Variants in P2RY14 observed in about 807,000 individuals in gnomAD.
P2RY14 encodes P2Y purinoceptor 14.
P2RY14 carries 2 observed loss-of-function variants against 0.9 expected under a neutral mutation model. The ratio of observed to expected loss-of-function variants is 2.16; its 90% CI spans 0.88 to 6.79. The LOEUF (loss-of-function observed/expected upper bound fraction) is 6.79, where lower values mean the gene tolerates loss of function less well. Ranked by LOEUF, P2RY14 falls within the 30% of genes most tolerant of loss-of-function variation. The pLI is 0.05. For missense variants in P2RY14, 378 were observed against 400.1 expected (o/e 0.94, Z 0.47); for synonymous variants, 158 against 147.2 (o/e 1.07, Z -0.53).
intron 1 of P2RY14, among the ~76,000 whole-genome samples, chr3:151,243,529 G>A (rs1734694711): frequency 6.6e-6 from 1 of 152,100 alleles, no homozygotes; most frequent in Non-Finnish European, 1.5e-5. Flanking sequence ...CTTCATAAGC[G>A]AAGGAGAAAT....
chr3:151,246,519 G>A (rs1017008552), intron 1 of P2RY14, among the ~76,000 whole-genome samples: 2 of 152,102 alleles, frequency 1.3e-5, no homozygotes, highest in Non-Finnish European at 2.9e-5. Context: ...AAGCAATGGG[G>A]AAAGGATTCC....
In P2RY14 at chr3:151,268,122, C is replaced by G. The variant is rs151287782; in HGVS notation, c.-133+10165G>C. 5.1e-3 allele frequency among the ~76,000 whole-genome samples: 773 copies of G among 152,186 alleles called. 12 individuals are homozygous for G. Among genetic ancestry groups the G allele is most frequent in the African/African-American group, 0.017 (721 of 41,526 alleles). On this transcript the variant is annotated intron_variant, in intron 1 of 2. Coordinates refer to ENST00000309170, the MANE Select transcript of P2RY14 (RefSeq NM_014879.4). Reference sequence around the variant, plus strand: ...GTGGGAATACTTCTTTTTATGTTTTCAGCTTACATGTTTTCAATACAAAGC... The same window carrying G: ...GTGGGAATACTTCTTTTTATGTTTTGAGCTTACATGTTTTCAATACAAAGC...
chr3:151,233,460 G>A (rs1210109165), intron 1 of P2RY14, among the ~76,000 whole-genome samples: 1 of 152,250 alleles, frequency 6.6e-6, no homozygotes, highest in African/African-American at 2.4e-5. Flanking sequence ...TGGGCCGGGC[G>A]TGATGGCTCC....
rs180769797 is a variant in P2RY14, at chr3:151,222,363, G to C, written c.-132-2721C>G. Among the ~76,000 whole-genome samples, 11 of 152,196 alleles carry C rather than the reference G, an allele frequency of 7.2e-5. No homozygotes were observed. The East Asian group carries it at 1.5e-3, about 21-fold the overall frequency. ...ATGTGAAGATATGAGATTTGGGAGC[G>C]GTCAGAGGTGGAATGATATGGTTTG... On this transcript the variant is annotated intron_variant, in intron 1 of 2. Coordinates refer to ENST00000309170, the MANE Select transcript of P2RY14 (RefSeq NM_014879.4).
At chr3:151,218,866 C>CAAAAAAA (rs397686351) in intron 2 of P2RY14, among the ~76,000 whole-genome samples, 3 of 71,334 alleles carry the variant, frequency 4.2e-5, no homozygotes, top group Non-Finnish European at 8.4e-5. Flanking sequence ...GACTCAGTCT[C>CAAAAAAA]AAAAAAAAAA....
intron 1 of P2RY14, among the ~76,000 whole-genome samples, chr3:151,236,781 G>A (rs1261092900): frequency 4.0e-5 from 6 of 151,780 alleles, no homozygotes; most frequent in Admixed American, 3.3e-4. Flanking sequence ...CATATATATC[G>A]TACACATCCA....
At chr3:151,230,675 C>T (rs1425617748) in intron 1 of P2RY14, among the ~76,000 whole-genome samples, 1 of 151,762 alleles carries the variant, frequency 6.6e-6, no homozygotes, top group African/African-American at 2.4e-5. Context: ...TTTCTAAGGG[C>T]TACTTCCCTT....
intron 1 of P2RY14, among the ~76,000 whole-genome samples, chr3:151,268,702 T>C (rs1465867566): frequency 6.6e-6 from 1 of 152,182 alleles, no homozygotes; most frequent in African/African-American, 2.4e-5. Flanking sequence ...TTCTAACCTA[T>C]AGGGCATTTA....
Position 151,213,503 on chromosome 3 carries a change from T to A in P2RY14, c.814A>T (p.Ile272Phe), listed in dbSNP as rs371105315. The A allele has an allele frequency of 1.2e-6, 2 of 1,614,166 alleles. No homozygotes were observed. The highest frequency in any genetic ancestry group is 2.2e-5 in the South Asian group (2 of 91,072). The change falls in exon 3 of 3, where the codon ATC (isoleucine) becomes TTC (phenylalanine). Residue 272 changes from isoleucine (I) to phenylalanine (F), a missense_variant. Ile to Phe is a conservative substitution (Grantham distance 21). Transcript: ENST00000309170. ...GTGAATTCTTTCATATACCGCAAGA[T>A]TTCTTTTGACTGGCAGCTGTAATGA... ...EAHYSCQSKE[I>F]LRYMKEFTLL...
intron 1 of P2RY14, among the ~76,000 whole-genome samples, chr3:151,251,902 C>A (rs1736927965): frequency 6.6e-6 from 1 of 152,140 alleles, no homozygotes; most frequent in Non-Finnish European, 1.5e-5. Flanking sequence ...CATGGAATCA[C>A]CTTAAAAATT....
intron 1 of P2RY14, among the ~76,000 whole-genome samples, chr3:151,238,071 C>G (rs1733283802): frequency 6.6e-6 from 1 of 152,088 alleles, no homozygotes; most frequent in Admixed American, 6.5e-5. Flanking sequence ...TTTTTCTTTT[C>G]TAACTAGTGC....
At chr3:151,265,508 C>G (rs145529543) in intron 1 of P2RY14, among the ~76,000 whole-genome samples, 3 of 152,106 alleles carry the variant, frequency 2.0e-5, no homozygotes, top group Non-Finnish European at 2.9e-5. Flanking sequence ...GCCCACTTGC[C>G]GGTCACTGCC....
chr3:151,224,065 A>G (rs992945266), intron 1 of P2RY14, among the ~76,000 whole-genome samples: 1 of 152,262 alleles, frequency 6.6e-6, no homozygotes, highest in Admixed American at 6.5e-5. Flanking sequence ...CATTGGTGTT[A>G]TCAACATTAG....
At chr3:151,234,751 T>C (rs1215445603) in intron 1 of P2RY14, among the ~76,000 whole-genome samples, 5 of 152,190 alleles carry the variant, frequency 3.3e-5, no homozygotes, top group Non-Finnish European at 7.4e-5. Flanking sequence ...GCCTCTCTTC[T>C]AGTAAATGGC....
At chr3:151,242,252 C>T (rs1734301467) in intron 1 of P2RY14, among the ~76,000 whole-genome samples, 3 of 152,302 alleles carry the variant, frequency 2.0e-5, no homozygotes, top group African/African-American at 7.2e-5. Flanking sequence ...CCGGGAAGCT[C>T]AAACTGGGCG....
chr3:151,220,295 G>A (rs931608510), intron 1 of P2RY14, among the ~76,000 whole-genome samples: 1 of 151,972 alleles, frequency 6.6e-6, no homozygotes, highest in Non-Finnish European at 1.5e-5. Flanking sequence ...ATAGGAAGAG[G>A]ATAGGTTTAG....
At chr3:151,233,499 C>T (rs1313310766) in intron 1 of P2RY14, among the ~76,000 whole-genome samples, 3 of 152,294 alleles carry the variant, frequency 2.0e-5, no homozygotes, top group East Asian at 1.9e-4. Context: ...TTTGGGAGGC[C>T]GAGGCTGGCG....
intron 1 of P2RY14, among the ~76,000 whole-genome samples, chr3:151,242,599 C>T (rs1009030946): frequency 6.6e-5 from 10 of 152,184 alleles, no homozygotes; most frequent in Non-Finnish European, 1.3e-4. Context: ...AACACATCCA[C>T]ACCAAAAACC....
At chr3:151,260,056 A>T (rs1216603625) in intron 1 of P2RY14, among the ~76,000 whole-genome samples, 1 of 152,168 alleles carries the variant, frequency 6.6e-6, no homozygotes, top group Non-Finnish European at 1.5e-5. Flanking sequence ...CAACCACAGC[A>T]TTCAGCTCAC....
Sources: gnomAD v4.1 joint callset for allele counts (sites outside exome capture counted in the v4.1 genomes callset) on GRCh38, gnomAD v4.1.1 for gene constraint, MANE v1.5 for transcripts, NCBI Gene and HGNC (gene_info 2026-07-23, HGNC 2026-07-21) for gene names.